OPCML: variants seen among roughly 807,000 people sequenced by gnomAD.
OPCML encodes opioid-binding protein/cell adhesion molecule.
In OPCML, 13 loss-of-function variants were observed where a neutral mutation model predicts 37.8. That is an observed-to-expected ratio of 0.34 (90% CI 0.22 to 0.55). The LOEUF is 0.55. OPCML is among the 20% of genes least tolerant of loss of function. OPCML has a pLI of 0.91. For missense variants in OPCML, 341 were observed against 435.6 expected (o/e 0.78, Z 1.93); for synonymous variants, 176 against 168.8 (o/e 1.04, Z -0.33).
chr11:133,171,731 C>T (rs1217851878), intron 1 of OPCML, among the ~76,000 whole-genome samples: 2 of 152,170 alleles, frequency 1.3e-5, no homozygotes, highest in African/African-American at 4.8e-5. Context: ...GAGACCAAGA[C>T]ATTTAAAGTG....
chr11:132,917,919 CA>C, intron 2 of OPCML, among the ~76,000 whole-genome samples: 1 of 152,270 alleles, frequency 6.6e-6, no homozygotes, highest in South Asian at 2.1e-4. Flanking sequence ...ATACAGAAAA[CA>C]AGCTTTTAAT....
intron 2 of OPCML, among the ~76,000 whole-genome samples, chr11:132,913,499 C>T (rs1342024626): frequency 6.6e-6 from 1 of 152,104 alleles, no homozygotes; most frequent in Non-Finnish European, 1.5e-5. Flanking sequence ...CTTCACATTC[C>T]CCCTTTCTGT....
At chr11:133,069,303 A>C (rs573022674) in intron 1 of OPCML, among the ~76,000 whole-genome samples, 105 of 152,342 alleles carry the variant, frequency 6.9e-4, no homozygotes, top group Non-Finnish European at 1.1e-3. Flanking sequence ...CATGGTAGGC[A>C]CTTATTTATA....
At chr11:132,469,622 T>TG (rs1187259692) in intron 4 of OPCML, among the ~76,000 whole-genome samples, 1 of 130,748 alleles carries the variant, frequency 7.6e-6, no homozygotes, top group African/African-American at 3.0e-5. Context: ...TGTATGTGTG[T>TG]GGGGTGTGTG....
At chr11:133,135,872 G>A (rs1280183124) in intron 1 of OPCML, among the ~76,000 whole-genome samples, 1 of 152,124 alleles carries the variant, frequency 6.6e-6, no homozygotes, top group African/African-American at 2.4e-5. Flanking sequence ...AAGTTATCTT[G>A]GAACCACAAG....
intron 4 of OPCML, among the ~76,000 whole-genome samples, chr11:132,509,223 G>T (rs11223096): frequency 0.022 from 3,394 of 152,196 alleles, 89 homozygotes; most frequent in Admixed American, 0.063. Flanking sequence ...TCTGGCAGAA[G>T]AAATTTATAA....
At chr11:133,043,045 G>A (rs550073183) in intron 1 of OPCML, among the ~76,000 whole-genome samples, 1 of 152,192 alleles carries the variant, frequency 6.6e-6, no homozygotes, top group African/African-American at 2.4e-5. Context: ...CATTTCTTCA[G>A]CCATCTCTGT....
chr11:133,310,470 A>G (rs1943041118), intron 1 of OPCML, among the ~76,000 whole-genome samples: 1 of 152,206 alleles, frequency 6.6e-6, no homozygotes, highest in African/African-American at 2.4e-5. Context: ...CCTCAAAGCA[A>G]GTTATACTTT....
intron 2 of OPCML, among the ~76,000 whole-genome samples, chr11:132,712,294 G>A (rs1183292694): frequency 6.6e-6 from 1 of 151,844 alleles, no homozygotes; most frequent in Non-Finnish European, 1.5e-5. Flanking sequence ...CTCCACAGGT[G>A]CCCCCACCCT....
chr11:133,404,708 G>A (rs967425774), intron 1 of OPCML, among the ~76,000 whole-genome samples: 1 of 152,214 alleles, frequency 6.6e-6, no homozygotes, highest in African/African-American at 2.4e-5. Flanking sequence ...GCTTTAGCTA[G>A]GGACATTAGA....
intron 4 of OPCML, among the ~76,000 whole-genome samples, chr11:132,516,194 G>T (rs2137214301): frequency 6.6e-6 from 1 of 152,268 alleles, no homozygotes; most frequent in Non-Finnish European, 1.5e-5. Flanking sequence ...TCAGCAGTAA[G>T]CTCACTCGTC....
intron 2 of OPCML, among the ~76,000 whole-genome samples, chr11:132,661,839 C>A (rs1410689243): frequency 6.6e-6 from 1 of 152,150 alleles, no homozygotes; most frequent in Non-Finnish European, 1.5e-5. Context: ...AATAACTACC[C>A]TTTGAGATGT....
chr11:133,378,416 G>A (rs1944861003), intron 1 of OPCML, among the ~76,000 whole-genome samples: 1 of 152,126 alleles, frequency 6.6e-6, no homozygotes, highest in South Asian at 2.1e-4. Flanking sequence ...ATGGTGGGCA[G>A]CACAAATTCT....
chr11:133,458,198 ACACG>A (rs1167560967), intron 1 of OPCML, among the ~76,000 whole-genome samples: 6 of 137,204 alleles, frequency 4.4e-5, no homozygotes, highest in African/African-American at 2.0e-4. Flanking sequence ...ACACATATAT[ACACG>A]TGTGTGTATA....
chr11:132,777,360 A>G (rs77592028), intron 2 of OPCML, among the ~76,000 whole-genome samples: 1,717 of 152,272 alleles, frequency 0.011, 21 homozygotes, highest in South Asian at 0.013. Flanking sequence ...CTTCATGAAC[A>G]TTACTTTTTT....
chr11:133,360,639 G>C (rs1190152647), intron 1 of OPCML: 2 of 152,344 alleles, frequency 1.3e-5, no homozygotes, highest in Admixed American at 6.5e-5. Context: ...AGGGAAGAAG[G>C]GGGAGACGGG....
chr11:133,245,448 G>A (rs7113719), intron 1 of OPCML, among the ~76,000 whole-genome samples: 45,679 of 152,046 alleles, frequency 0.3, 8,040 homozygotes, highest in East Asian at 0.83. Context: ...TGAATGGTGA[G>A]AGAAGCCATC....
rs150060854 is a variant in OPCML at position 133,327,387 on chromosome 11, G to A, written c.61+204877C>T. On this transcript the variant is annotated intron_variant, in intron 1 of 7. Transcript: ENST00000524381. ...ACTGCTTGTGTTTCAGTGTATTTAC[G>A]CTCATTGCAGAGATAGTGTGGCCTT... Among the ~76,000 whole-genome samples, 1,333 of 151,928 alleles carry A rather than the reference G, an allele frequency of 8.8e-3. 7 individuals carry two copies. The highest frequency in any genetic ancestry group is 0.012 in the Non-Finnish European group (813 of 67,916).
At chr11:133,069,426 C>T (rs1181763624) in intron 1 of OPCML, among the ~76,000 whole-genome samples, 1 of 152,164 alleles carries the variant, frequency 6.6e-6, no homozygotes, top group Non-Finnish European at 1.5e-5. Flanking sequence ...AATCCAAGTG[C>T]CAAGCTCTCC....
Sources: gnomAD v4.1 joint callset for allele counts (sites outside exome capture counted in the v4.1 genomes callset) on GRCh38, gnomAD v4.1.1 for gene constraint, MANE v1.5 for transcripts, NCBI Gene and HGNC (gene_info 2026-07-23, HGNC 2026-07-21) for gene names.